TENM3: variants seen among roughly 807,000 people sequenced by gnomAD.
TENM3 encodes teneurin-3.
TENM3 carries 63 observed loss-of-function variants against 255.1 expected under a neutral mutation model. That is an observed-to-expected ratio of 0.25 (90% CI 0.20 to 0.30). The LOEUF (loss-of-function observed/expected upper bound fraction) is 0.30, where lower values mean the gene tolerates loss of function less well. Ranked by LOEUF, TENM3 falls within the 10% of genes least tolerant of loss-of-function variation. The pLI is 1.00. For missense variants in TENM3, 2,929 were observed against 3,461.1 expected, an observed-to-expected ratio of 0.85 and a Z score of 3.86; for synonymous variants, 1,306 against 1,322.3, an observed-to-expected ratio of 0.99 and a Z score of 0.27.
the TENM3 span, among the ~76,000 whole-genome samples, chr4:182,060,576 G>C: frequency 6.6e-6 from 1 of 152,102 alleles, no homozygotes; most frequent in Admixed American, 6.5e-5. Context: ...AACAAGTCAC[G>C]GGCCCATACA....
chr4:181,719,610 T>TC, the TENM3 span, among the ~76,000 whole-genome samples: 1 of 152,162 alleles, frequency 6.6e-6, no homozygotes, highest in Non-Finnish European at 1.5e-5. Context: ...GCAGAGCCCT[T>TC]ATGACCTAAT....
At chr4:181,791,513 T>C in the TENM3 span, among the ~76,000 whole-genome samples, 1 of 152,196 alleles carries the variant, frequency 6.6e-6, no homozygotes, top group Non-Finnish European at 1.5e-5. Flanking sequence ...TTCTGGACAT[T>C]TTGAGGATCA....
chr4:181,874,589 C>T, the TENM3 span: 1 of 152,308 alleles, frequency 6.6e-6, no homozygotes, highest in Non-Finnish European at 1.5e-5. Context: ...CCCTCAGCCT[C>T]ATGAAGAATA....
At chr4:182,448,359 G>C (rs1300419355) in intron 3 of TENM3, among the ~76,000 whole-genome samples, 2 of 152,168 alleles carry the variant, frequency 1.3e-5, no homozygotes, top group African/African-American at 4.8e-5. Flanking sequence ...GCGCCAGGCT[G>C]GGGGCCCTGC....
At chr4:182,588,882 T>G (rs570796804) in intron 3 of TENM3, among the ~76,000 whole-genome samples, 1 of 152,298 alleles carries the variant, frequency 6.6e-6, no homozygotes, top group South Asian at 2.1e-4. Context: ...TTCAGAGTGC[T>G]TGACATTTAG....
chr4:182,328,568 A>G (rs1316855870), intron 2 of TENM3, among the ~76,000 whole-genome samples: 1 of 152,074 alleles, frequency 6.6e-6, no homozygotes, highest in Non-Finnish European at 1.5e-5. Context: ...TTTGTACGTT[A>G]CTGAAATTAA....
the TENM3 span, among the ~76,000 whole-genome samples, chr4:181,521,699 T>G: frequency 1.3e-5 from 2 of 152,268 alleles, no homozygotes; most frequent in South Asian, 4.1e-4. Flanking sequence ...CCCTCAGCAC[T>G]GCCATGCTTT....
the TENM3 span, among the ~76,000 whole-genome samples, chr4:182,012,484 T>C: frequency 6.6e-6 from 1 of 152,174 alleles, no homozygotes; most frequent in African/African-American, 2.4e-5. Flanking sequence ...AACGCCGGAA[T>C]TGTCTGACCT....
chr4:182,411,578 A>G, intron 3 of TENM3, among the ~76,000 whole-genome samples: 1 of 152,204 alleles, frequency 6.6e-6, no homozygotes, highest in South Asian at 2.1e-4. Context: ...AGGGGGCCCA[A>G]GAATATGCAT....
the TENM3 span, among the ~76,000 whole-genome samples, chr4:182,039,022 T>C: frequency 6.6e-6 from 1 of 152,182 alleles, no homozygotes; most frequent in Admixed American, 6.6e-5. Context: ...AGTGAGCCCC[T>C]GCGCCCGGCC....
intron 21 of TENM3, 130 bp downstream of exon 21, chr4:182,753,734 C>A (rs2152751982): frequency 2.8e-6 from 2 of 714,240 alleles, no homozygotes; most frequent in East Asian, 2.8e-5. Flanking sequence ...AGGGCAGTTC[C>A]ATTTACATGT....
the TENM3 span, among the ~76,000 whole-genome samples, chr4:181,644,494 A>G: frequency 6.6e-6 from 1 of 151,940 alleles, no homozygotes; most frequent in African/African-American, 2.4e-5. Flanking sequence ...AAGATAATCA[A>G]ATTCATACCC....
chr4:182,563,971 C>CGAAGG (rs1743494793), intron 3 of TENM3, among the ~76,000 whole-genome samples: 1 of 152,186 alleles, frequency 6.6e-6, no homozygotes, highest in Non-Finnish European at 1.5e-5. Flanking sequence ...CCAGATCCTT[C>CGAAGG]GCTCCTGCCA....
chr4:181,755,584 T>C, the TENM3 span, among the ~76,000 whole-genome samples: 22 of 152,252 alleles, frequency 1.4e-4, 1 homozygote, highest in East Asian at 3.7e-3. Flanking sequence ...AGACCAATTA[T>C]TTATATTAAT....
chr4:181,628,471 G>A, the TENM3 span, among the ~76,000 whole-genome samples: 2 of 152,078 alleles, frequency 1.3e-5, no homozygotes, highest in Non-Finnish European at 2.9e-5. Context: ...TTTTAGGTCT[G>A]ACATTTAAGT....
At chr4:181,648,579 T>C in the TENM3 span, among the ~76,000 whole-genome samples, 4 of 152,198 alleles carry the variant, frequency 2.6e-5, no homozygotes, top group Non-Finnish European at 5.9e-5. Context: ...GGAGCTCTCT[T>C]TCCAATTTAC....
chr4:182,618,218 T>C (rs1003027447), intron 4 of TENM3, among the ~76,000 whole-genome samples: 2 of 152,138 alleles, frequency 1.3e-5, no homozygotes, highest in Non-Finnish European at 2.9e-5. Context: ...CTCAAACCAC[T>C]TGGAATAATG....
At chr4:182,726,206 TC>T (rs1180844801) in intron 13 of TENM3, among the ~76,000 whole-genome samples, 1 of 152,060 alleles carries the variant, frequency 6.6e-6, no homozygotes, top group African/African-American at 2.4e-5. Flanking sequence ...ATTAAGCCTT[TC>T]CCCCCTCCCC....
the TENM3 span, among the ~76,000 whole-genome samples, chr4:182,075,537 A>G: frequency 6.6e-6 from 1 of 152,132 alleles, no homozygotes; most frequent in African/African-American, 2.4e-5. Flanking sequence ...CCTTGTGGAC[A>G]AAGCAAGACC....
Sources: gnomAD v4.1 joint callset for allele counts (sites outside exome capture counted in the v4.1 genomes callset) on GRCh38, gnomAD v4.1.1 for gene constraint, MANE v1.5 for transcripts, NCBI Gene and HGNC (gene_info 2026-07-23, HGNC 2026-07-21) for gene names.